The following KCNH1 variants were observed in gnomAD, a reference collection of about 807,000 sequenced individuals.
KCNH1 encodes voltage-gated delayed rectifier potassium channel KCNH1.
A neutral mutation model predicts 69.2 loss-of-function variants in KCNH1; 27 were observed. The ratio of observed to expected loss-of-function variants is 0.39; its 90% CI spans 0.29 to 0.54. The LOEUF is 0.54. Ranked by LOEUF, KCNH1 falls within the 20% of genes least tolerant of loss-of-function variation. The pLI, the probability that KCNH1 is intolerant of heterozygous loss-of-function variation, is 0.68. For missense variants in KCNH1, 798 were observed against 1,261.6 expected (o/e 0.63, Z 5.57); for synonymous variants, 456 against 487.7 (o/e 0.93, Z 0.86).
At chr1:210,839,854 C>T (rs1414421062) in intron 7 of KCNH1, among the ~76,000 whole-genome samples, 1 of 152,138 alleles carries the variant, frequency 6.6e-6, no homozygotes, top group Non-Finnish European at 1.5e-5. Context: ...GTTGCCTTAG[C>T]ATTCTTAAGT....
chr1:210,985,172 T>A (rs570225241), intron 6 of KCNH1, among the ~76,000 whole-genome samples: 1 of 152,344 alleles, frequency 6.6e-6, no homozygotes, highest in South Asian at 2.1e-4. Context: ...TTCTTCTCTC[T>A]TTTGTTCTTT....
chr1:211,033,140 A>C (rs1362872423), intron 5 of KCNH1, among the ~76,000 whole-genome samples: 1 of 152,256 alleles, frequency 6.6e-6, no homozygotes, highest in Non-Finnish European at 1.5e-5. Flanking sequence ...ACATTTATGC[A>C]GCCAAAAGAC....
chr1:210,726,837 A>G (rs10863853), intron 10 of KCNH1, among the ~76,000 whole-genome samples: 32,611 of 152,056 alleles, frequency 0.21, 4,363 homozygotes, highest in African/African-American at 0.38. Context: ...ACTCTCCTCT[A>G]TTCATTTAAA....
chr1:210,942,039 T>C (rs1471595000), intron 6 of KCNH1, among the ~76,000 whole-genome samples: 2 of 152,210 alleles, frequency 1.3e-5, no homozygotes, highest in Non-Finnish European at 2.9e-5. Flanking sequence ...TTAGGCCTTC[T>C]GAGGATAAAT....
chr1:210,966,440 A>G (rs935794498), intron 6 of KCNH1, among the ~76,000 whole-genome samples: 6 of 152,250 alleles, frequency 3.9e-5, no homozygotes, highest in African/African-American at 1.4e-4. Context: ...CATCAGAGTG[A>G]AGAGGCAACC....
chr1:211,045,198 T>C lies in KCNH1; in HGVS notation c.559-25942A>G, dbSNP rs139640401. 2.3e-3 allele frequency among the ~76,000 whole-genome samples: 345 copies of C among 151,684 alleles called. 2 individuals carry two copies. The highest frequency in any genetic ancestry group is 7.9e-3 in the African/African-American group (328 of 41,422). On this transcript the variant is annotated intron_variant, in intron 5 of 10. Coordinates refer to ENST00000271751, the MANE Select transcript of KCNH1 (RefSeq NM_172362.3). ...GCCAAACATTGTATGCTCTCACTTATAAGTAGGAGCTAAGCTATGAGGATA... is the reference window on the plus strand; with the variant it reads ...GCCAAACATTGTATGCTCTCACTTACAAGTAGGAGCTAAGCTATGAGGATA...
chr1:211,029,420 G>T (rs773520772), intron 5 of KCNH1, among the ~76,000 whole-genome samples: 1 of 133,688 alleles, frequency 7.5e-6, no homozygotes, highest in Non-Finnish European at 1.6e-5. Context: ...GCCATGTAAT[G>T]TATGATATTA....
intron 6 of KCNH1, among the ~76,000 whole-genome samples, chr1:210,974,627 G>A (rs145373656): frequency 0.083 from 11,741 of 141,916 alleles, 648 homozygotes; most frequent in South Asian, 0.19. Context: ...GCAGTGGCAC[G>A]ATCTTGGCTC....
intron 5 of KCNH1, among the ~76,000 whole-genome samples, chr1:211,075,937 C>G (rs375018755): frequency 7.2e-5 from 11 of 152,368 alleles, no homozygotes; most frequent in African/African-American, 2.6e-4. Context: ...ATATCCCGCA[C>G]CTGGCTCAGC....
intron 7 of KCNH1, among the ~76,000 whole-genome samples, chr1:210,829,988 T>C (rs1685124307): frequency 6.6e-6 from 1 of 152,214 alleles, no homozygotes; most frequent in South Asian, 2.1e-4. Flanking sequence ...CTTGAGTATA[T>C]GTTCCACAAG....
At chr1:211,035,977 T>C (rs1449902065) in intron 5 of KCNH1, among the ~76,000 whole-genome samples, 1 of 152,202 alleles carries the variant, frequency 6.6e-6, no homozygotes, top group African/African-American at 2.4e-5. Context: ...TTGTTACCAA[T>C]GCACCAGGCG....
intron 7 of KCNH1, among the ~76,000 whole-genome samples, chr1:210,827,756 T>C (rs1685063840): frequency 1.3e-5 from 2 of 152,174 alleles, no homozygotes; most frequent in African/African-American, 4.8e-5. Flanking sequence ...AGGGTTCTGA[T>C]TCACAAACCA....
chr1:210,766,423 G>A (rs77177011), intron 10 of KCNH1, among the ~76,000 whole-genome samples: 4,870 of 152,160 alleles, frequency 0.032, 255 homozygotes, highest in African/African-American at 0.11. Context: ...TACTCAGAAG[G>A]CTGAGGTGGG....
At chr1:210,982,871 CT>C (rs2102379689) in intron 6 of KCNH1, among the ~76,000 whole-genome samples, 1 of 152,236 alleles carries the variant, frequency 6.6e-6, no homozygotes, top group East Asian at 1.9e-4. Context: ...GTTGAACTAG[CT>C]TACAGTCCCA....
chr1:210,910,428 A>T (rs1384353609), intron 7 of KCNH1, among the ~76,000 whole-genome samples: 1 of 152,274 alleles, frequency 6.6e-6, no homozygotes, highest in East Asian at 1.9e-4. Flanking sequence ...GAAGACACAG[A>T]ACAGGTGCTC....
At chr1:210,842,416 T>C (rs1192395115) in intron 7 of KCNH1, among the ~76,000 whole-genome samples, 1 of 152,186 alleles carries the variant, frequency 6.6e-6, no homozygotes, top group Non-Finnish European at 1.5e-5. Flanking sequence ...TGAGAGACTG[T>C]GCTAACAAAT....
intron 6 of KCNH1, among the ~76,000 whole-genome samples, chr1:211,013,170 A>G (rs551110129): frequency 1.1e-3 from 170 of 152,354 alleles, no homozygotes; most frequent in African/African-American, 3.9e-3. Context: ...GTAAGGACTG[A>G]CAGCCATAAG....
chr1:211,055,962 G>A (rs1690296581), intron 5 of KCNH1, among the ~76,000 whole-genome samples: 1 of 152,204 alleles, frequency 6.6e-6, no homozygotes, highest in African/African-American at 2.4e-5. Flanking sequence ...GAGCCATGCT[G>A]GCTTCAGGTG....
chr1:210,935,120 TCACACACA>T (rs10588037), intron 6 of KCNH1, among the ~76,000 whole-genome samples: 24,905 of 128,972 alleles, frequency 0.19, 2,532 homozygotes, highest in East Asian at 0.22. Context: ...AAAGAAAATG[TCACACACA>T]CACACACACA....
Sources: allele counts gnomAD v4.1 joint callset (sites outside exome capture counted in the v4.1 genomes callset), GRCh38; gene constraint gnomAD v4.1.1; transcripts MANE v1.5; gene names NCBI Gene and HGNC (gene_info 2026-07-23, HGNC 2026-07-21).